STAU2: variants seen among roughly 807,000 people sequenced by gnomAD.
STAU2 encodes the protein staufen double-stranded RNA binding protein 2.
A neutral mutation model predicts 65.9 loss-of-function variants in STAU2; 20 were observed. The observed-to-expected ratio is 0.30, with a 90% CI of 0.21 to 0.44. The LOEUF (loss-of-function observed/expected upper bound fraction) is 0.44. STAU2 is among the 20% of genes least tolerant of loss of function. STAU2 has a pLI of 1.00. For synonymous variants in STAU2, 232 were observed against 233.9 expected, an observed-to-expected ratio of 0.99 and a Z score of 0.07; for missense variants, 558 against 683.9, an observed-to-expected ratio of 0.82 and a Z score of 2.05.
At chr8:73,604,069 A>G (rs140343348) in intron 9 of STAU2, among the ~76,000 whole-genome samples, 31 of 152,198 alleles carry the variant, frequency 2.0e-4, no homozygotes, top group Admixed American at 2.0e-3. Context: ...GCTTAGATGT[A>G]TTAATGGCAA....
intron 5 of STAU2, among the ~76,000 whole-genome samples, chr8:73,686,040 A>C (rs978301797): frequency 4.6e-5 from 7 of 152,120 alleles, no homozygotes; most frequent in Non-Finnish European, 8.8e-5. Context: ...TATTCTAAGT[A>C]AAGTCACACA....
rs901380879 is a variant in STAU2 at position 73,420,485 on chromosome 8, T to C, written c.*887A>G. 15 of 263,706 alleles carry C rather than the reference T, an allele frequency of 5.7e-5. No homozygotes were observed. The highest frequency in any genetic ancestry group is 3.1e-4 in the African/African-American group (14 of 45,700). The allele number at this position is 263,706 out of a possible 1,614,324, so 16.3% of individuals were successfully genotyped here. On this transcript the variant is annotated 3_prime_UTR_variant, in exon 15 of 15. Coordinates refer to ENST00000524300, the MANE Select transcript of STAU2 (RefSeq NM_001164380.2). ...CAACAGGTTTTTCCCTTCCCCGTCA[T>C]GTACATTATTTATTTTTGATCCTAC...
chr8:73,428,686 T>C (rs1817026066), intron 13 of STAU2, among the ~76,000 whole-genome samples: 1 of 152,208 alleles, frequency 6.6e-6, no homozygotes, highest in Non-Finnish European at 1.5e-5. Context: ...AGGCTACTTA[T>C]AGCCTGTTTT....
chr8:73,623,614 T>A (rs1367175467), intron 6 of STAU2, among the ~76,000 whole-genome samples: 2 of 152,160 alleles, frequency 1.3e-5, no homozygotes, highest in East Asian at 3.9e-4. Flanking sequence ...TACAAAATAT[T>A]TGTAGAATTT....
intron 13 of STAU2, among the ~76,000 whole-genome samples, chr8:73,432,393 T>C (rs1232187701): frequency 2.0e-5 from 3 of 152,238 alleles, no homozygotes; most frequent in Admixed American, 2.0e-4. Context: ...TGATACTGAA[T>C]CTATATTAAA....
At chr8:73,519,639 A>G (rs1822936298) in intron 13 of STAU2, among the ~76,000 whole-genome samples, 1 of 152,242 alleles carries the variant, frequency 6.6e-6, no homozygotes. Context: ...CCACCACTAG[A>G]AAAAGCTTAC....
At chr8:73,569,167 C>T (rs917278748) in intron 12 of STAU2, among the ~76,000 whole-genome samples, 3 of 152,126 alleles carry the variant, frequency 2.0e-5, no homozygotes, top group Non-Finnish European at 2.9e-5. Context: ...TTATATCCTG[C>T]GCCTGGCTCA....
At chr8:73,707,898 C>T (rs1404120900) in intron 4 of STAU2, among the ~76,000 whole-genome samples, 1 of 151,580 alleles carries the variant, frequency 6.6e-6, no homozygotes, top group Non-Finnish European at 1.5e-5. Flanking sequence ...GCTGAGTGCT[C>T]AACAATGAGT....
chr8:73,534,948 T>C (rs1806083418), intron 13 of STAU2, among the ~76,000 whole-genome samples: 1 of 152,238 alleles, frequency 6.6e-6, no homozygotes. Context: ...AATTATCTTT[T>C]CTCTCTTTTA....
intron 13 of STAU2, among the ~76,000 whole-genome samples, chr8:73,499,316 A>T (rs1821608297): frequency 6.6e-6 from 1 of 151,900 alleles, no homozygotes; most frequent in Admixed American, 6.6e-5. Context: ...ATGGAGGTTG[A>T]GAGGGCATCA....
At chr8:73,478,305 T>TAAAAAAAAAAAAAAAA (rs10660977) in intron 13 of STAU2, among the ~76,000 whole-genome samples, 3 of 77,518 alleles carry the variant, frequency 3.9e-5, no homozygotes, top group African/African-American at 9.1e-5. Flanking sequence ...ACTGATGAGC[T>TAAAAAAAAAAAAAAAA]AAAAAAAAAA....
chr8:73,740,206 A>G (rs1264081652), intron 1 of STAU2, among the ~76,000 whole-genome samples: 1 of 152,216 alleles, frequency 6.6e-6, no homozygotes, highest in Non-Finnish European at 1.5e-5. Context: ...AGCCACAGGC[A>G]CCCAGCTAAG....
intron 13 of STAU2, among the ~76,000 whole-genome samples, chr8:73,490,689 G>T (rs1343798179): frequency 6.6e-6 from 1 of 151,948 alleles, no homozygotes; most frequent in African/African-American, 2.4e-5. Flanking sequence ...TTTACCATCA[G>T]ATTTTGCTGG....
At chr8:73,469,694 A>T (rs963745494) in intron 13 of STAU2, among the ~76,000 whole-genome samples, 11 of 152,100 alleles carry the variant, frequency 7.2e-5, no homozygotes, top group Non-Finnish European at 1.0e-4. Context: ...TGAGAAAAAC[A>T]AGGGTGAAAA....
chr8:73,710,927 TC>T (rs1820845867), intron 3 of STAU2, among the ~76,000 whole-genome samples: 1 of 151,786 alleles, frequency 6.6e-6, no homozygotes, highest in Non-Finnish European at 1.5e-5. Context: ...AAAATAATAT[TC>T]TTTTACATTT....
intron 13 of STAU2, among the ~76,000 whole-genome samples, chr8:73,516,675 T>C (rs758280183): frequency 7.9e-5 from 12 of 152,274 alleles, no homozygotes; most frequent in Admixed American, 5.9e-4. Context: ...TGAAGGTGTA[T>C]TGCTAAGGGA....
intron 3 of STAU2, among the ~76,000 whole-genome samples, chr8:73,709,885 T>C (rs1820770777): frequency 6.6e-6 from 1 of 152,136 alleles, no homozygotes; most frequent in Admixed American, 6.5e-5. Flanking sequence ...TAAATGGTAT[T>C]ATAGCATTAT....
intron 13 of STAU2, among the ~76,000 whole-genome samples, chr8:73,435,057 C>G (rs1443484535): frequency 1.3e-5 from 2 of 150,430 alleles, no homozygotes; most frequent in Non-Finnish European, 2.9e-5. Flanking sequence ...CAGATGTCAG[C>G]GTTATCCACA....
chr8:73,451,640 T>C (rs1008592052), intron 13 of STAU2, among the ~76,000 whole-genome samples: 25 of 151,842 alleles, frequency 1.6e-4, no homozygotes, highest in Non-Finnish European at 3.2e-4. Flanking sequence ...CGATGCTTCC[T>C]GGTCTCCTTA....
Sources: allele counts gnomAD v4.1 joint callset (sites outside exome capture counted in the v4.1 genomes callset), GRCh38; gene constraint gnomAD v4.1.1; transcripts MANE v1.5; gene names NCBI Gene and HGNC (gene_info 2026-07-23, HGNC 2026-07-21).